The following KRT84 variants were observed in gnomAD, a reference collection of about 807,000 sequenced individuals.
KRT84 encodes keratin, type II cuticular Hb4.
Under a neutral mutation model 49.0 loss-of-function variants are expected in KRT84, and 38 were observed. The ratio of observed to expected loss-of-function variants is 0.78; its 90% CI spans 0.60 to 1.02. KRT84 has a LOEUF of 1.02. Ranked by LOEUF, KRT84 falls within the 50% of genes least tolerant of loss-of-function variation. The probability of loss-of-function intolerance (pLI) is 0.00; values close to 1 mark genes in which losing one functional copy is unlikely to be tolerated. For synonymous variants in KRT84, 334 were observed against 312.8 expected, an observed-to-expected ratio of 1.07 and a Z score of -0.72; for missense variants, 860 against 788.6, an observed-to-expected ratio of 1.09 and a Z score of -1.08.
At chr12:52,380,784 C>G (rs900552318) in intron 6 of KRT84, among the ~76,000 whole-genome samples, 1 of 152,208 alleles carries the variant, frequency 6.6e-6, no homozygotes, top group Non-Finnish European at 1.5e-5. Context: ...TTTCCATCCC[C>G]ACTGACTTTG....
rs148920691 is a variant in KRT84 at position 52,382,080 on chromosome 12, A to G, written c.912+357T>C. 4.6e-5 allele frequency among the ~76,000 whole-genome samples: 7 copies of G among 152,344 alleles called. No homozygotes were observed. The East Asian group carries it at 9.7e-4, about 21-fold the overall frequency. ...ACAGATTGTTTATGAAGCAAAAGAC[A>G]GCTGGTTTGGCTAATTAGGTCAAAC... On this transcript the variant is annotated intron_variant, in intron 4 of 8. Coordinates refer to ENST00000257951, the MANE Select transcript of KRT84 (RefSeq NM_033045.4).
chr12:52,380,693 G>A (rs780890157), intron 6 of KRT84, 110 bp from the exon 7 acceptor site: 2 of 1,145,932 alleles, frequency 1.7e-6, no homozygotes, highest in Non-Finnish European at 2.4e-6. Flanking sequence ...CCAAGGCAGG[G>A]ATGGACCCCA....
Position 52,379,889 on chromosome 12 carries a change from T to C in KRT84, c.1443A>G (p.Gly481=), listed in dbSNP as rs1334422599. ...GEESRLCEGV[G]PVNISVSSSR... is the part of the protein sequence containing the mutation. ...CAAGTTTCTTACATATGTTTACTGG[T>C]CCAACACCTTCACAGAGCCTGGAAA... Residue 481 remains glycine, a synonymous_variant, in exon 8 of 9, where the codon GGA becomes GGG. Coordinates refer to ENST00000257951, the MANE Select transcript of KRT84 (RefSeq NM_033045.4). 6.2e-7 allele frequency: 1 copy of C among 1,611,802 alleles called. No individual in the cohort carries two copies. Among genetic ancestry groups the C allele is most frequent in the Non-Finnish European group, 8.5e-7 (1 of 1,177,992 alleles).
At position 52,378,335 on chromosome 12, in the gene KRT84, A is replaced by G. The variant is rs1435008782; in HGVS notation, c.1502T>C (p.Leu501Ser). The G allele has an allele frequency of 1.3e-6, 2 of 1,524,258 alleles. No individual in the cohort carries two copies. The highest frequency in any genetic ancestry group is 2.5e-5 in the South Asian group (2 of 81,304). 94.4% of individuals were successfully genotyped at this position (1,524,258 alleles called of 1,614,324 possible). Reference protein sequence around the residue: ...RGGLVCGPEPLVAGSTLSRGG... With the variant: ...RGGLVCGPEPSVAGSTLSRGG... Reference sequence around the variant, plus strand: ...GCGGGAGAGGGTGGAGCCGGCAACCAAAGGCTCAGGCCCGCACACCAGGCC... The same window carrying G: ...GCGGGAGAGGGTGGAGCCGGCAACCGAAGGCTCAGGCCCGCACACCAGGCC... The change falls in exon 9 of 9, where the codon TTG becomes TCG. Residue 501 changes from leucine to serine, a missense_variant. Coordinates refer to ENST00000257951, the MANE Select transcript of KRT84 (RefSeq NM_033045.4).
At chr12:52,384,815 A>G (rs1199751318) in intron 1 of KRT84, among the ~76,000 whole-genome samples, 1 of 152,122 alleles carries the variant, frequency 6.6e-6, no homozygotes, top group Non-Finnish European at 1.5e-5. Flanking sequence ...GAAGATATCA[A>G]CACTGTCGGA....
At position 52,380,487 on chromosome 12, in the gene KRT84, G is replaced by A. The variant is rs760735707; in HGVS notation, c.1300C>T (p.Leu434=). 5 of 1,613,920 alleles carry A rather than the reference G, an allele frequency of 3.1e-6. No homozygotes were observed. Among genetic ancestry groups the A allele is most frequent in the Non-Finnish European group, 4.2e-6 (5 of 1,179,906 alleles). ...GCCATGTCCTGCTTGGCCTGCTGCA[G>A]GGCACACTCCAGATCTGCCAGCTTG... The part of the protein sequence containing the change: ...KCKLADLECA[L]QQAKQDMARQ... Residue 434 remains leucine (L), a synonymous_variant, in exon 7 of 9, where the codon CTG becomes TTG. Coordinates refer to ENST00000257951, the MANE Select transcript of KRT84 (RefSeq NM_033045.4).
chr12:52,381,620 G>C, intron 4 of KRT84, 95 bp from the exon 5 acceptor site: 1 of 1,214,450 alleles, frequency 8.2e-7, no homozygotes, highest in Non-Finnish European at 1.2e-6. Flanking sequence ...GCCAGGGGCA[G>C]AGAGCATCAC....
intron 1 of KRT84, among the ~76,000 whole-genome samples, chr12:52,384,763 C>T (rs1319053714): frequency 1.3e-5 from 2 of 152,168 alleles, no homozygotes; most frequent in African/African-American, 4.8e-5. Flanking sequence ...CTTAGTTTGT[C>T]GAGATGCCCT....
upstream of KRT84, among the ~76,000 whole-genome samples, chr12:52,386,241 A>G (rs538328429): frequency 1.5e-3 from 229 of 152,300 alleles, no homozygotes; most frequent in African/African-American, 5.3e-3. Context: ...GCTAGTGTAG[A>G]CACATCTGTG....
Position 52,383,718 on chromosome 12 carries a change from A to G in KRT84, c.627T>C (p.Asn209=), listed in dbSNP as rs1945297. 492,247 of 1,608,536 alleles carry G rather than the reference A, an allele frequency of 0.31. 86,523 individuals are homozygous for G. The highest frequency in any genetic ancestry group is 0.7 in the East Asian group (31,310 of 44,854). ...FLQEQKCIRS[N]LEPLFESYIT... ...TGTAGCTCTCGAAGAGTGGCTCCAG[A>G]TTGCTCCTGATACATTTCTGCTCTT... The change falls in exon 2 of 9, where the codon AAT becomes AAC. Residue 209 remains asparagine (N), a synonymous_variant. Coordinates refer to ENST00000257951, the MANE Select transcript of KRT84 (RefSeq NM_033045.4).
intron 4 of KRT84, 107 bp from the exon 5 acceptor site, chr12:52,381,632 C>T (rs774167552): frequency 3.1e-5 from 33 of 1,080,642 alleles, no homozygotes; most frequent in Middle Eastern, 2.1e-4. Flanking sequence ...GAGCATCACT[C>T]ATTGGTTCAT....
At chr12:52,380,328 T>C (rs1335455794) in intron 7 of KRT84, 35 bp downstream of exon 7, 2 of 1,610,688 alleles carry the variant, frequency 1.2e-6, no homozygotes, top group South Asian at 1.1e-5. Flanking sequence ...TGCCTAAGTC[T>C]GACTTCACTC....
chr12:52,378,067 C>T lies in KRT84; in HGVS notation c.1770G>A (p.Val590=), dbSNP rs765385808. Residue 590 remains valine, a synonymous_variant, in exon 9 of 9, where the codon GTG becomes GTA. Coordinates refer to ENST00000257951, the MANE Select transcript of KRT84 (RefSeq NM_033045.4). The part of the protein sequence containing the change: ...SGGRSSSVRF[V]STTTSCRTKY ...TGGTCCGGCAGGAGGTGGTGGTGGA[C>T]ACAAAGCGGACGCTGGAGCTGCGGC... The T allele has an allele frequency of 4.7e-6, 7 of 1,492,922 alleles. No individual in the cohort carries two copies. Among genetic ancestry groups the T allele is most frequent in the Non-Finnish European group, 6.2e-6 (7 of 1,124,670 alleles). The allele number at this position is 1,492,922 out of a possible 1,614,324, so 92.5% of individuals were successfully genotyped here.
intron 8 of KRT84, 90 bp from the exon 9 acceptor site, chr12:52,378,470 G>T: frequency 1.6e-6 from 1 of 626,960 alleles, no homozygotes; most frequent in Non-Finnish European, 2.1e-6. Flanking sequence ...GGTCTGGTGG[G>T]GAGGGAGTGG....
rs1476873470 is a variant in KRT84, at chr12:52,385,637, A to T, written c.-52T>A. The stretch of plus-strand genomic sequence containing the variant: ...AGCAAGTGTAGAATGGGTGAGCTGG[A>T]GCTGGGAGTCCCTCTGAGGCCAGTG... On this transcript the variant is annotated 5_prime_UTR_variant, in exon 1 of 9. Coordinates refer to ENST00000257951, the MANE Select transcript of KRT84 (RefSeq NM_033045.4). 6.4e-7 allele frequency: 1 copy of T among 1,556,826 alleles called. No individual in the cohort carries two copies. Among genetic ancestry groups the T allele is most frequent in the Admixed American group, 1.7e-5 (1 of 58,490 alleles).
chr12:52,381,411 C>G lies in KRT84; in HGVS notation c.1027G>C (p.Glu343Gln), dbSNP rs2121436711. ...TCAGCCCGGCTGCGCCTGGCCACCTCCTCATACTGGGCCTTGACCTCAGCA... is the reference window on the plus strand; with the variant it reads ...TCAGCCCGGCTGCGCCTGGCCACCTGCTCATACTGGGCCTTGACCTCAGCA... Reference protein sequence around the residue: ...IIAEVKAQYEEVARRSRADAE... With the variant: ...IIAEVKAQYEQVARRSRADAE... Residue 343 changes from glutamate (E) to glutamine (Q), a missense_variant, in exon 5 of 9, where the codon GAG becomes CAG. Physicochemically the swap from Glu to Gln is conservative, Grantham distance 29. Transcript: ENST00000257951. The G allele has an allele frequency of 1.2e-6, 2 of 1,614,218 alleles. No individual in the cohort carries two copies. The highest frequency in any genetic ancestry group is 4.5e-5 in the East Asian group (2 of 44,880).
In KRT84 at chr12:52,385,633, C is replaced by T; in HGVS notation, c.-48G>A. ...AAAGAGCAAGTGTAGAATGGGTGAG[C>T]TGGAGCTGGGAGTCCCTCTGAGGCC... is the stretch of plus-strand genomic sequence containing the variant. On this transcript the variant is annotated 5_prime_UTR_variant, in exon 1 of 9. Transcript: ENST00000257951. 1 of 1,572,298 alleles carries T rather than the reference C, an allele frequency of 6.4e-7. No homozygotes were observed. Among genetic ancestry groups the T allele is most frequent in the Non-Finnish European group, 8.7e-7 (1 of 1,155,446 alleles).
At chr12:52,381,550 G>A (rs1335128193) in intron 4 of KRT84, 25 bp from the exon 5 acceptor site, 1 of 1,609,858 alleles carries the variant, frequency 6.2e-7, no homozygotes, top group East Asian at 2.2e-5. Context: ...TGGGGAGACA[G>A]ATGTGCTTAG....
chr12:52,381,593 G>T, intron 4 of KRT84, 68 bp from the exon 5 acceptor site: 1 of 1,529,284 alleles, frequency 6.5e-7, no homozygotes, highest in Non-Finnish European at 8.9e-7. Context: ...TCTGCCACAG[G>T]GGGCCCAGGA....
Sources: allele counts gnomAD v4.1 joint callset (sites outside exome capture counted in the v4.1 genomes callset), GRCh38; gene constraint gnomAD v4.1.1; transcripts MANE v1.5; gene names NCBI Gene and HGNC (gene_info 2026-07-23, HGNC 2026-07-21).